Variants in XIRP2 observed in about 807,000 individuals in gnomAD.
XIRP2 encodes the protein xin actin-binding repeat-containing protein 2.
Under a neutral mutation model 277.0 loss-of-function variants are expected in XIRP2, and 236 were observed. The ratio of observed to expected loss-of-function variants is 0.85; its 90% CI spans 0.77 to 0.95. The LOEUF is 0.95. Among genes scored for constraint, XIRP2 ranks in the 40% least tolerant of loss-of-function variants. XIRP2 has a pLI of 0.00. For synonymous variants in XIRP2, 1,490 were observed against 1,416.5 expected, an observed-to-expected ratio of 1.05 and a Z score of -1.17; for missense variants, 4,640 against 4,157.5, an observed-to-expected ratio of 1.12 and a Z score of -3.19.
At chr2:167,023,335 A>T (rs1688043628) in intron 2 of XIRP2, among the ~76,000 whole-genome samples, 1 of 151,734 alleles carries the variant, frequency 6.6e-6, no homozygotes, top group Non-Finnish European at 1.5e-5. Flanking sequence ...GTTTGAGTTC[A>T]TTATAGATTC....
In XIRP2 at chr2:167,258,130, A is replaced by G. The variant is rs767789298; in HGVS notation, c.*313A>G. The G allele has an allele frequency of 6.2e-7, 1 of 1,613,180 alleles. No individual in the cohort carries two copies. Among genetic ancestry groups the G allele is most frequent in the South Asian group, 1.1e-5 (1 of 91,074 alleles). Reference sequence around the variant, plus strand: ...AAGGGCAAAGGAATGATTTGAGAAAATTAGGGGAAAGGGGAAAATTAAAAG... The same window carrying G: ...AAGGGCAAAGGAATGATTTGAGAAAGTTAGGGGAAAGGGGAAAATTAAAAG... On this transcript the variant is annotated 3_prime_UTR_variant, in exon 11 of 11. Transcript: ENST00000409195.
chr2:167,187,906 T>C (rs1474750061), intron 3 of XIRP2, among the ~76,000 whole-genome samples: 1 of 152,164 alleles, frequency 6.6e-6, no homozygotes. Flanking sequence ...AAATTGTATT[T>C]CTTGGAATTT....
At chr2:167,180,781 T>C (rs1692988116) in intron 3 of XIRP2, among the ~76,000 whole-genome samples, 1 of 152,180 alleles carries the variant, frequency 6.6e-6, no homozygotes, top group South Asian at 2.1e-4. Context: ...TTCACTTGCA[T>C]TGGGTCTTCA....
chr2:166,951,631 T>C (rs909665500), intron 2 of XIRP2, among the ~76,000 whole-genome samples: 1 of 152,064 alleles, frequency 6.6e-6, no homozygotes, highest in Non-Finnish European at 1.5e-5. Context: ...ATATTTTTTT[T>C]GATTTTCTTT....
intron 2 of XIRP2, among the ~76,000 whole-genome samples, chr2:167,084,313 T>C (rs1170507881): frequency 6.6e-5 from 10 of 152,184 alleles, no homozygotes; most frequent in South Asian, 6.2e-4. Context: ...GGTGGATAAG[T>C]TTTTTGATGT....
chr2:167,034,080 G>C (rs1333240270), intron 2 of XIRP2, among the ~76,000 whole-genome samples: 1 of 152,012 alleles, frequency 6.6e-6, no homozygotes, highest in Non-Finnish European at 1.5e-5. Context: ...AATGTTTCAA[G>C]ACATAAACAA....
In XIRP2 at chr2:166,963,045, G is replaced by A. The variant is rs142607550; in HGVS notation, c.408+59155G>A. Among the ~76,000 whole-genome samples the A allele has an allele frequency of 2.1e-3, 320 of 151,614 alleles. 4 individuals carry two copies. The highest frequency in any genetic ancestry group is 0.016 in the Admixed American group (238 of 15,174). ...AACACAAAAAATGATAAATGTCTGA[G>A]ATTACAAATATACTAATTACCTTGA... On this transcript the variant is annotated intron_variant, in intron 2 of 10. Coordinates refer to ENST00000409195, the MANE Select transcript of XIRP2 (RefSeq NM_152381.6).
At chr2:167,015,447 T>A (rs756234940) in intron 2 of XIRP2, among the ~76,000 whole-genome samples, 29 of 151,392 alleles carry the variant, frequency 1.9e-4, no homozygotes, top group Non-Finnish European at 2.7e-4. Flanking sequence ...TCTATCTATC[T>A]ATCTATCTAT....
intron 2 of XIRP2, among the ~76,000 whole-genome samples, chr2:166,930,785 A>G (rs1372916965): frequency 1.3e-5 from 2 of 151,996 alleles, no homozygotes; most frequent in Non-Finnish European, 2.9e-5. Flanking sequence ...CTTTTCTTCC[A>G]CTCTAGACTT....
At chr2:167,100,201 A>G (rs1267988800) in intron 2 of XIRP2, among the ~76,000 whole-genome samples, 3 of 152,126 alleles carry the variant, frequency 2.0e-5, no homozygotes, top group African/African-American at 7.2e-5. Context: ...TTACAAAATC[A>G]TATATGATAC....
chr2:167,063,699 C>G (rs1024892676), intron 2 of XIRP2, among the ~76,000 whole-genome samples: 1 of 151,618 alleles, frequency 6.6e-6, no homozygotes, highest in African/African-American at 2.4e-5. Context: ...CTTAGTAATA[C>G]TTTGTTTTAA....
chr2:167,144,690 T>A (rs1349795493), intron 3 of XIRP2, among the ~76,000 whole-genome samples: 1 of 152,170 alleles, frequency 6.6e-6, no homozygotes, highest in African/African-American at 2.4e-5. Flanking sequence ...AATCTTTTTA[T>A]GTCATCACTT....
At chr2:167,137,446 A>T (rs1352094349) in intron 3 of XIRP2, among the ~76,000 whole-genome samples, 1 of 152,184 alleles carries the variant, frequency 6.6e-6, no homozygotes, top group South Asian at 2.1e-4. Context: ...GCTTTAAGGA[A>T]TGATTTATAT....
At chr2:166,926,315 T>C (rs1574084046) in intron 2 of XIRP2, among the ~76,000 whole-genome samples, 1 of 152,058 alleles carries the variant, frequency 6.6e-6, no homozygotes, top group Admixed American at 6.6e-5. Flanking sequence ...CAATCTATCA[T>C]TATTGAAATA....
chr2:167,210,511 G>A (rs903600553), intron 3 of XIRP2, among the ~76,000 whole-genome samples: 1 of 152,108 alleles, frequency 6.6e-6, no homozygotes, highest in African/African-American at 2.4e-5. Context: ...AGAGTTGGGG[G>A]GATAAATTTT....
At position 166,903,776 on chromosome 2, in the gene XIRP2, G is replaced by A. The variant is rs373316205; in HGVS notation, c.294G>A (p.Glu98=). 3 of 1,613,556 alleles carry A rather than the reference G, an allele frequency of 1.9e-6. No homozygotes were observed. The highest frequency in any genetic ancestry group is 2.7e-5 in the African/African-American group (2 of 74,876). Residue 98 remains glutamate (E), a synonymous_variant, in exon 2 of 11, where the codon GAG becomes GAA. Coordinates refer to ENST00000409195, the MANE Select transcript of XIRP2 (RefSeq NM_152381.6). The stretch of plus-strand genomic sequence containing the variant: ...ATGGTCGGCCAGAAGTGCTGAAGGA[G>A]GATTCCCTGAGCAGTCGGCGCAGGA... ...REYGRPEVLK[E]DSLSSRRRIE...
chr2:167,083,070 G>C (rs1453450137), intron 2 of XIRP2, among the ~76,000 whole-genome samples: 1 of 152,108 alleles, frequency 6.6e-6, no homozygotes, highest in Non-Finnish European at 1.5e-5. Flanking sequence ...GGTTTTTTAT[G>C]GTTTTAGGTC....
chr2:166,889,097 C>A (rs1652386599), intron 1 of XIRP2, among the ~76,000 whole-genome samples: 1 of 152,106 alleles, frequency 6.6e-6, no homozygotes, highest in South Asian at 2.1e-4. Flanking sequence ...GCACACAGAC[C>A]AGGGTGGTTG....
At position 167,245,820 on chromosome 2, in the gene XIRP2, A is replaced by T; in HGVS notation, c.4428A>T (p.Thr1476=). 6.2e-7 allele frequency: 1 copy of T among 1,613,792 alleles called. No homozygotes were observed. Among genetic ancestry groups the T allele is most frequent in the Non-Finnish European group, 8.5e-7 (1 of 1,179,758 alleles). Residue 1476 remains threonine (T), a synonymous_variant, in exon 9 of 11, where the codon ACA becomes ACT. Coordinates refer to ENST00000409195, the MANE Select transcript of XIRP2 (RefSeq NM_152381.6). ...GGTTAGAATATGAAAATATCAAGAC[A>T]GTCACTCAGGAAGATGTGCAGAAAG... ...GEGLEYENIK[T]VTQEDVQKGD...
Sources: allele counts gnomAD v4.1 joint callset (sites outside exome capture counted in the v4.1 genomes callset), GRCh38; gene constraint gnomAD v4.1.1; transcripts MANE v1.5; gene names NCBI Gene and HGNC (gene_info 2026-07-23, HGNC 2026-07-21).